The following RIF1 variants were observed in gnomAD, a reference collection of about 807,000 sequenced individuals.
RIF1 encodes the protein telomere-associated protein RIF1.
RIF1 carries 45 observed loss-of-function variants against 247.1 expected under a neutral mutation model. That is an observed-to-expected ratio of 0.18 (90% CI 0.14 to 0.23). The LOEUF (loss-of-function observed/expected upper bound fraction) is 0.23. RIF1 is among the 10% of genes least tolerant of loss of function. The pLI is 1.00. For synonymous variants in RIF1, 1,087 were observed against 978.8 expected, an observed-to-expected ratio of 1.11 and a Z score of -2.06; for missense variants, 2,967 against 2,862.5, an observed-to-expected ratio of 1.04 and a Z score of -0.83.
intron 20 of RIF1, among the ~76,000 whole-genome samples, chr2:151,447,639 G>A (rs1693552959): frequency 6.7e-6 from 1 of 149,644 alleles, no homozygotes. Flanking sequence ...TCCGCCTTCT[G>A]GGTTCAAGCG....
At chr2:151,436,444 G>A in intron 11 of RIF1, among the ~76,000 whole-genome samples, 1 of 151,134 alleles carries the variant, frequency 6.6e-6, no homozygotes, top group East Asian at 2.0e-4. Context: ...TTGGAATGCT[G>A]ATGGGAGAAG....
intron 19 of RIF1, among the ~76,000 whole-genome samples, chr2:151,446,062 A>G (rs531560945): frequency 1.6e-4 from 25 of 152,198 alleles, no homozygotes; most frequent in Non-Finnish European, 3.2e-4. Flanking sequence ...GCTGGAGTGC[A>G]GTGGGGCAAT....
chr2:151,507,752 A>G, exon 14 of RIF1: 1 of 422,858 alleles, frequency 2.4e-6, no homozygotes, highest in South Asian at 5.2e-5. Flanking sequence ...GAACCTTGCC[A>G]TGGGTGAGGA....
At chr2:151,466,906 G>T (rs1239749807) in intron 30 of RIF1, among the ~76,000 whole-genome samples, 1 of 151,730 alleles carries the variant, frequency 6.6e-6, no homozygotes, top group African/African-American at 2.4e-5. Context: ...CTTGTTTTTT[G>T]CCTTCAACAA....
chr2:151,413,957 AC>A (rs1278880659), intron 3 of RIF1, among the ~76,000 whole-genome samples: 3 of 152,118 alleles, frequency 2.0e-5, no homozygotes, highest in African/African-American at 7.2e-5. Flanking sequence ...ATATTGAGAT[AC>A]TCTTTGACAG....
chr2:151,525,204 C>T, the RIF1 span: 8 of 1,614,008 alleles, frequency 5.0e-6, no homozygotes, highest in South Asian at 8.8e-5. Flanking sequence ...TGTTTCACCT[C>T]TGGTGGCTCC....
the RIF1 span, among the ~76,000 whole-genome samples, chr2:151,527,749 C>T: frequency 2.2e-4 from 33 of 152,328 alleles, no homozygotes; most frequent in South Asian, 6.4e-3. Flanking sequence ...TGCAGCTAGT[C>T]ATCCACTCAG....
rs188062713 is a variant in RIF1 at position 151,462,169 on chromosome 2, G to T, written c.3228-73G>T. 5,068 of 1,081,586 alleles carry T rather than the reference G, an allele frequency of 4.7e-3. 28 individuals carry two copies. The highest frequency in any genetic ancestry group is 6.1e-3 in the Middle Eastern group (20 of 3,278). 67.0% of individuals were successfully genotyped at this position (1,081,586 alleles called of 1,614,324 possible). On this transcript the variant is annotated intron_variant, in intron 27 of 35. Coordinates refer to ENST00000444746, the MANE Select transcript of RIF1 (RefSeq NM_018151.5). ...ATTACAGGCGTGAGCCACCGTACCT[G>T]GCCATAAGTTTAATTTCTAATTGTA...
chr2:151,430,485 C>G (rs1689897270), intron 9 of RIF1, among the ~76,000 whole-genome samples: 1 of 151,970 alleles, frequency 6.6e-6, no homozygotes, highest in African/African-American at 2.4e-5. Context: ...CCACGTCTGG[C>G]TAATTTTTGT....
chr2:151,410,453 G>C lies in RIF1; in HGVS notation c.30G>C (p.Ala10=). The change falls in exon 2 of 36, where the codon GCG becomes GCC. Residue 10 remains alanine, a synonymous_variant. Transcript: ENST00000444746. MTARGQSPL[A]PLLETLEDPS... ...CGGCCAGGGGTCAGAGCCCCCTCGCGCCGCTGTTGGAGACTTTGGAAGACC... is the reference window on the plus strand; with the variant it reads ...CGGCCAGGGGTCAGAGCCCCCTCGCCCCGCTGTTGGAGACTTTGGAAGACC... 2 of 1,614,036 alleles carry C rather than the reference G, an allele frequency of 1.2e-6. No individual in the cohort carries two copies. Among genetic ancestry groups the C allele is most frequent in the Non-Finnish European group, 1.7e-6 (2 of 1,180,008 alleles).
the RIF1 span, chr2:151,530,998 C>G: frequency 6.2e-7 from 1 of 1,607,800 alleles, no homozygotes; most frequent in African/African-American, 1.3e-5. Flanking sequence ...ACTTACATCA[C>G]TGACTTCATC....
chr2:151,435,562 A>G lies in RIF1; in HGVS notation c.1177A>G (p.Met393Val), dbSNP rs187558254. ...AGCTACATCTCCAGGTTTAAATCCT[A>G]TGACTCCTGTACACAAAGGTAAGAG... ...HVATSPGLNP[M>V]TPVHKGASSP... is the part of the protein sequence containing the mutation. The change falls in exon 11 of 36, where the codon ATG (methionine) becomes GTG (valine). Residue 393 changes from methionine (M) to valine (V), a missense_variant. By Grantham distance (21) the Met-to-Val change is conservative. This residue lies in a region of RIF1 where 369 missense variants were observed against 322.0 expected (regional missense o/e 1.15). Transcript: ENST00000444746. 58 of 1,590,680 alleles carry G rather than the reference A, an allele frequency of 3.6e-5. No homozygotes were observed. The highest frequency in any genetic ancestry group is 1.7e-4 in the Middle Eastern group (1 of 6,016).
chr2:151,500,870 G>A (rs4641933), intron 11 of RIF1, among the ~76,000 whole-genome samples: 152,185 of 152,240 alleles, frequency 1, 76,065 homozygotes, highest in Non-Finnish European at 1. Flanking sequence ...AAGTGCTGAG[G>A]TGACAGGTGT....
rs62169381 is a variant in RIF1 at position 151,422,072 on chromosome 2, C to T, written c.694-878C>T. Among the ~76,000 whole-genome samples the T allele has an allele frequency of 9.0e-3, 1,376 of 152,064 alleles. 12 individuals carry two copies. Among genetic ancestry groups the T allele is most frequent in the Non-Finnish European group, 0.013 (886 of 67,990 alleles). ...GTCTCGAACTCCTGACCTTGTGATCCGCCCGCCTCGGCCTCCCAAAGTGCT... is the reference window on the plus strand; with the variant it reads ...GTCTCGAACTCCTGACCTTGTGATCTGCCCGCCTCGGCCTCCCAAAGTGCT... On this transcript the variant is annotated intron_variant, in intron 7 of 35. Transcript: ENST00000444746.
intron 6 of RIF1, 75 bp downstream of exon 6, chr2:151,416,976 T>A: frequency 1.8e-6 from 2 of 1,114,842 alleles, no homozygotes; most frequent in Non-Finnish European, 2.6e-6. Flanking sequence ...TTTTGGGATT[T>A]AAATGAGAGA....
chr2:151,433,277 T>C (rs1201276396), intron 10 of RIF1, 49 bp downstream of exon 10: 1 of 1,412,816 alleles, frequency 7.1e-7, no homozygotes, highest in Non-Finnish European at 9.9e-7. Flanking sequence ...TGTTAATGTG[T>C]TCTTAAATTC....
intron 8 of RIF1, among the ~76,000 whole-genome samples, chr2:151,425,889 G>C (rs1688983589): frequency 6.6e-6 from 1 of 151,486 alleles, no homozygotes; most frequent in African/African-American, 2.4e-5. Context: ...ACGTTGGCCA[G>C]GCTGGTCTCG....
intron 27 of RIF1, 102 bp downstream of exon 27, chr2:151,461,391 A>AT (rs374480238): frequency 0.095 from 73,447 of 769,724 alleles, 315 homozygotes; most frequent in East Asian, 0.14. Context: ...ATGTGTACTA[A>AT]TTTTTTTTTT....
At chr2:151,455,779 T>C (rs944867174) in intron 22 of RIF1, among the ~76,000 whole-genome samples, 1 of 152,154 alleles carries the variant, frequency 6.6e-6, no homozygotes, top group African/African-American at 2.4e-5. Context: ...GCCGCCACCA[T>C]GCCCAGCTAA....
Sources: allele counts gnomAD v4.1 joint callset (sites outside exome capture counted in the v4.1 genomes callset), GRCh38; gene constraint gnomAD v4.1.1; regional missense constraint gnomAD v4.1.1; transcripts MANE v1.5; gene names NCBI Gene and HGNC (gene_info 2026-07-23, HGNC 2026-07-21).